Variants in SND1 observed in about 807,000 individuals in gnomAD.
The protein encoded by SND1 is staphylococcal nuclease and tudor domain containing 1.
A neutral mutation model predicts 121.7 loss-of-function variants in SND1; 38 were observed. The observed-to-expected ratio is 0.31, with a 90% CI of 0.24 to 0.41. The LOEUF is 0.41. Among genes scored for constraint, SND1 ranks in the 10% least tolerant of loss-of-function variants. The probability of loss-of-function intolerance (pLI) is 1.00; values close to 1 mark genes in which losing one functional copy is unlikely to be tolerated. For missense variants in SND1, 868 were observed against 1,184.6 expected (o/e 0.73, Z 3.92); for synonymous variants, 401 against 447.4 (o/e 0.90, Z 1.31).
intron 16 of SND1, among the ~76,000 whole-genome samples, chr7:128,033,593 C>G (rs1255565752): frequency 6.6e-6 from 1 of 152,208 alleles, no homozygotes; most frequent in Non-Finnish European, 1.5e-5. Context: ...CCATGGAATA[C>G]TTGAAGTCCT....
At chr7:127,664,679 T>A (rs1275890612) in intron 1 of SND1, among the ~76,000 whole-genome samples, 1 of 152,202 alleles carries the variant, frequency 6.6e-6, no homozygotes, top group Non-Finnish European at 1.5e-5. Context: ...CACACCTGAT[T>A]TATAGCTGGT....
At chr7:127,736,270 A>G (rs1040605642) in intron 10 of SND1, among the ~76,000 whole-genome samples, 4 of 152,252 alleles carry the variant, frequency 2.6e-5, no homozygotes, top group Non-Finnish European at 4.4e-5. Flanking sequence ...AAGAAAATAC[A>G]AATTACTTAA....
At chr7:127,691,084 C>T (rs542632202) in intron 2 of SND1, among the ~76,000 whole-genome samples, 1 of 152,178 alleles carries the variant, frequency 6.6e-6, no homozygotes, top group Non-Finnish European at 1.5e-5. Context: ...TTATTTCCCA[C>T]AGAATTATTG....
Position 128,081,208 on chromosome 7 carries a change from G to C in SND1, c.1969-152G>C, listed in dbSNP as rs543973793. On this transcript the variant is annotated intron_variant, in intron 17 of 23. Coordinates refer to ENST00000354725, the MANE Select transcript of SND1 (RefSeq NM_014390.4). ...AGATAGAGTTTCACCATATTGGCCA[G>C]TCTGGTCTTGAACTCCTAACCTCGT... 89 of 831,374 alleles carry C rather than the reference G, an allele frequency of 1.1e-4. No individual in the cohort carries two copies. The Admixed American group carries it at 1.6e-3, about 15-fold the overall frequency. 51.5% of individuals were successfully genotyped at this position (831,374 alleles called of 1,614,324 possible).
chr7:128,050,734 T>G (rs1013585294), intron 16 of SND1, among the ~76,000 whole-genome samples: 1 of 152,224 alleles, frequency 6.6e-6, no homozygotes, highest in Admixed American at 6.5e-5. Flanking sequence ...GTTCTCTGCA[T>G]TCCCACAACC....
intron 12 of SND1, among the ~76,000 whole-genome samples, chr7:127,868,524 G>T (rs1223650718): frequency 6.6e-6 from 1 of 152,188 alleles, no homozygotes; most frequent in East Asian, 1.9e-4. Flanking sequence ...TCCCCATGGG[G>T]TATGTCTTTA....
At chr7:127,806,992 C>T (rs1381020316) in intron 10 of SND1, among the ~76,000 whole-genome samples, 1 of 152,028 alleles carries the variant, frequency 6.6e-6, no homozygotes, top group African/African-American at 2.4e-5. Flanking sequence ...CTTTGTGTTG[C>T]TATTTCATAT....
chr7:128,008,573 G>A (rs976879381), intron 16 of SND1, among the ~76,000 whole-genome samples: 5 of 151,998 alleles, frequency 3.3e-5, no homozygotes, highest in Middle Eastern at 3.2e-3. Flanking sequence ...CCCTAGGTGG[G>A]ACTCCAGCTC....
At chr7:128,006,234 G>C (rs1253521198) in intron 16 of SND1, among the ~76,000 whole-genome samples, 2 of 152,072 alleles carry the variant, frequency 1.3e-5, no homozygotes, top group African/African-American at 4.8e-5. Flanking sequence ...AAGGGTGCGT[G>C]CGTGCGTGCG....
At chr7:127,870,446 C>T (rs902815292) in intron 12 of SND1, among the ~76,000 whole-genome samples, 2 of 152,136 alleles carry the variant, frequency 1.3e-5, no homozygotes, top group Non-Finnish European at 2.9e-5. Context: ...ATTTGGTCAT[C>T]GTTGGAACAT....
At chr7:127,906,050 A>G (rs1800329685) in intron 14 of SND1, among the ~76,000 whole-genome samples, 1 of 152,110 alleles carries the variant, frequency 6.6e-6, no homozygotes, top group Admixed American at 6.5e-5. Context: ...GCCTAGGTGT[A>G]GTGGTTTCCT....
intron 15 of SND1, among the ~76,000 whole-genome samples, chr7:127,976,884 A>G (rs1176759285): frequency 6.6e-6 from 1 of 152,202 alleles, no homozygotes; most frequent in Non-Finnish European, 1.5e-5. Context: ...CCGTGGAGGC[A>G]GGAAACCTTT....
Position 127,694,908 on chromosome 7 carries a change from T to C in SND1, c.309T>C (p.Thr103=). 3 of 1,613,870 alleles carry C rather than the reference T, an allele frequency of 1.9e-6. No individual in the cohort carries two copies. Among genetic ancestry groups the C allele is most frequent in the Non-Finnish European group, 1.7e-6 (2 of 1,179,848 alleles). Residue 103 remains threonine (T), a synonymous_variant, in exon 3 of 24, where the codon ACT becomes ACC. Coordinates refer to ENST00000354725, the MANE Select transcript of SND1 (RefSeq NM_014390.4). ...KEVCFTIENK[T]PQGREYGMIY... ...TCTGTTTCACGATAGAAAACAAGAC[T>C]CCCCAGGGGCGAGAGTATGGCATGA...
At chr7:127,661,115 G>A (rs1795302343) in intron 1 of SND1, among the ~76,000 whole-genome samples, 1 of 152,114 alleles carries the variant, frequency 6.6e-6, no homozygotes, top group South Asian at 2.1e-4. Context: ...ATTTTATGAG[G>A]GGAGGATAGT....
intron 2 of SND1, among the ~76,000 whole-genome samples, chr7:127,691,213 A>C (rs1480032271): frequency 7.3e-6 from 1 of 136,384 alleles, no homozygotes; most frequent in African/African-American, 2.5e-5. Context: ...AACCTATTGA[A>C]ATAAAAAAAA....
chr7:127,953,932 A>G (rs1325985334), intron 15 of SND1, among the ~76,000 whole-genome samples: 1 of 152,218 alleles, frequency 6.6e-6, no homozygotes, highest in Non-Finnish European at 1.5e-5. Context: ...TTATTTTTTA[A>G]TTTGATCAGT....
At chr7:128,076,784 T>C (rs1327172971) in intron 17 of SND1, among the ~76,000 whole-genome samples, 1 of 152,196 alleles carries the variant, frequency 6.6e-6, no homozygotes, top group African/African-American at 2.4e-5. Flanking sequence ...CAGAAGGCTT[T>C]AGGGAGTGTG....
intron 2 of SND1, among the ~76,000 whole-genome samples, chr7:127,687,873 A>C (rs1795843312): frequency 6.6e-6 from 1 of 151,642 alleles, no homozygotes; most frequent in Non-Finnish European, 1.5e-5. Flanking sequence ...TATTTTTTTT[A>C]GTAGAAAGGA....
chr7:127,756,634 T>C (rs556066218), intron 10 of SND1, among the ~76,000 whole-genome samples: 7 of 152,362 alleles, frequency 4.6e-5, no homozygotes, highest in Non-Finnish European at 1.0e-4. Flanking sequence ...TAGCCATTCC[T>C]CTGGGATCTT....
Sources: gnomAD v4.1 joint callset for allele counts (sites outside exome capture counted in the v4.1 genomes callset) on GRCh38, gnomAD v4.1.1 for gene constraint, MANE v1.5 for transcripts, NCBI Gene and HGNC (gene_info 2026-07-23, HGNC 2026-07-21) for gene names.